Variants in RASAL2 observed in about 807,000 individuals in gnomAD.
RASAL2 encodes ras GTPase-activating protein nGAP.
A neutral mutation model predicts 128.9 loss-of-function variants in RASAL2; 58 were observed. That is an observed-to-expected ratio of 0.45 (90% CI 0.36 to 0.56). The LOEUF (loss-of-function observed/expected upper bound fraction) is 0.56. Among genes scored for constraint, RASAL2 ranks in the 20% least tolerant of loss-of-function variants. The pLI, the probability that RASAL2 is intolerant of heterozygous loss-of-function variation, is 0.00. For missense variants in RASAL2, 1,360 were observed against 1,601.6 expected, an observed-to-expected ratio of 0.85 and a Z score of 2.57; for synonymous variants, 561 against 580.8, an observed-to-expected ratio of 0.97 and a Z score of 0.49.
intron 1 of RASAL2, among the ~76,000 whole-genome samples, chr1:178,141,067 C>A (rs1427176578): frequency 1.3e-5 from 2 of 152,154 alleles, no homozygotes; most frequent in Non-Finnish European, 2.9e-5. Flanking sequence ...TATGTGAACT[C>A]AGAGCGAGAG....
intron 1 of RASAL2, among the ~76,000 whole-genome samples, chr1:178,260,350 C>CAAAAAAAAA (rs1243797175): frequency 4.6e-3 from 2 of 434 alleles, no homozygotes; most frequent in Non-Finnish European, 7.6e-3. Flanking sequence ...AGACTCGTCT[C>CAAAAAAAAA]AAAAAAAAAA....
chr1:178,375,414 A>G (rs1017685970), intron 3 of RASAL2, among the ~76,000 whole-genome samples: 2 of 152,186 alleles, frequency 1.3e-5, no homozygotes, highest in Non-Finnish European at 2.9e-5. Flanking sequence ...AGTTTTTTAG[A>G]AAGACATCTG....
chr1:178,428,640 C>T (rs956357825), intron 5 of RASAL2, among the ~76,000 whole-genome samples: 32 of 151,904 alleles, frequency 2.1e-4, no homozygotes, highest in African/African-American at 6.5e-4. Flanking sequence ...CTCAGGCTAG[C>T]GTGCAGTGGT....
At chr1:178,376,983 G>T (rs1222153831) in intron 3 of RASAL2, among the ~76,000 whole-genome samples, 2 of 152,018 alleles carry the variant, frequency 1.3e-5, no homozygotes. Flanking sequence ...AGTAGATAAT[G>T]ATTGCGTTTT....
At chr1:178,193,355 C>T (rs923484153) in intron 1 of RASAL2, among the ~76,000 whole-genome samples, 1 of 152,160 alleles carries the variant, frequency 6.6e-6, no homozygotes, top group Non-Finnish European at 1.5e-5. Context: ...CCCAACCCTC[C>T]TTTTTCTGAT....
intron 1 of RASAL2, among the ~76,000 whole-genome samples, chr1:178,132,570 G>T (rs546062084): frequency 6.6e-6 from 1 of 152,198 alleles, no homozygotes; most frequent in South Asian, 2.1e-4. Context: ...TATTAGGTTG[G>T]TGCAAAAGTA....
chr1:178,249,091 C>T (rs1278663384), intron 1 of RASAL2, among the ~76,000 whole-genome samples: 1 of 152,046 alleles, frequency 6.6e-6, no homozygotes, highest in Non-Finnish European at 1.5e-5. Context: ...AGCCTGTCTT[C>T]CTAGGTTGGG....
chr1:178,198,614 A>G lies in RASAL2; in HGVS notation c.203-84950A>G, dbSNP rs576199783. Among the ~76,000 whole-genome samples, 20 of 152,314 alleles carry G rather than the reference A, an allele frequency of 1.3e-4. No homozygotes were observed. In the South Asian group the frequency reaches 4.1e-3, roughly 32 times the overall value. ...CACTCCAGACCGTGTTTGCCTGGGTATCACCAGTGGAGGCTACAGAACAGC... is the reference window on the plus strand; with the variant it reads ...CACTCCAGACCGTGTTTGCCTGGGTGTCACCAGTGGAGGCTACAGAACAGC... On this transcript the variant is annotated intron_variant, in intron 1 of 17. Coordinates refer to ENST00000367649, the MANE Select transcript of RASAL2 (RefSeq NM_170692.4).
intron 14 of RASAL2, among the ~76,000 whole-genome samples, chr1:178,463,281 A>G (rs944687554): frequency 3.9e-5 from 6 of 152,164 alleles, no homozygotes; most frequent in Admixed American, 1.3e-4. Context: ...GGCAGGACAG[A>G]GGGGAAAAAA....
intron 5 of RASAL2, among the ~76,000 whole-genome samples, chr1:178,438,175 T>G (rs918545986): frequency 2.0e-5 from 3 of 151,186 alleles, no homozygotes; most frequent in Non-Finnish European, 4.4e-5. Flanking sequence ...CCTTATAAGC[T>G]TAAGATTTTT....
At chr1:178,293,938 G>A (rs1408113991) in intron 2 of RASAL2, among the ~76,000 whole-genome samples, 1 of 152,196 alleles carries the variant, frequency 6.6e-6, no homozygotes, top group African/African-American at 2.4e-5. Context: ...GGATGATTAG[G>A]AGTTTACCTT....
At chr1:178,209,970 CATT>C (rs1276271566) in intron 1 of RASAL2, among the ~76,000 whole-genome samples, 2 of 151,914 alleles carry the variant, frequency 1.3e-5, no homozygotes, top group Non-Finnish European at 1.5e-5. Flanking sequence ...AAATATTAGT[CATT>C]ATCTTTTTAA....
intron 3 of RASAL2, among the ~76,000 whole-genome samples, chr1:178,376,930 A>G (rs910528248): frequency 1.6e-4 from 25 of 152,284 alleles, no homozygotes; most frequent in Non-Finnish European, 1.3e-4. Context: ...CTGTAGTCCC[A>G]TAACCTTTTC....
Position 178,171,147 on chromosome 1 carries a change from G to C in RASAL2, c.202+76453G>C, listed in dbSNP as rs535259003. Among the ~76,000 whole-genome samples, 7 of 152,020 alleles carry C rather than the reference G, an allele frequency of 4.6e-5. No individual in the cohort carries two copies. The South Asian group carries it at 1.0e-3, about 23-fold the overall frequency. The stretch of plus-strand genomic sequence containing the variant: ...TATGGAGTATTTTTATCCGTATTAT[G>C]TCTGTGCCATCCAAAAGTAATTTCT... On this transcript the variant is annotated intron_variant, in intron 1 of 17. Transcript: ENST00000367649.
At chr1:178,398,111 A>G (rs959454585) in intron 4 of RASAL2, among the ~76,000 whole-genome samples, 23 of 151,946 alleles carry the variant, frequency 1.5e-4, no homozygotes, top group Admixed American at 7.9e-4. Context: ...TTGGCTGCTT[A>G]TTTTCTACAG....
At chr1:178,193,878 A>C (rs1662571935) in intron 1 of RASAL2, among the ~76,000 whole-genome samples, 1 of 152,204 alleles carries the variant, frequency 6.6e-6, no homozygotes. Context: ...TTTTGTAGAT[A>C]CCAACTAGAC....
chr1:178,417,280 A>G (rs906631222), intron 4 of RASAL2, among the ~76,000 whole-genome samples: 6 of 152,076 alleles, frequency 3.9e-5, no homozygotes, highest in Admixed American at 2.0e-4. Flanking sequence ...TGTCCAGTCT[A>G]CTAATAAGCC....
chr1:178,103,526 G>A (rs941093179), intron 1 of RASAL2, among the ~76,000 whole-genome samples: 2 of 151,976 alleles, frequency 1.3e-5, no homozygotes, highest in Non-Finnish European at 2.9e-5. Context: ...GAATTATCAC[G>A]AAATTTTGGA....
In RASAL2 at chr1:178,185,349, G is replaced by A. The variant is rs367901522; in HGVS notation, c.202+90655G>A. Reference sequence around the variant, plus strand: ...TTGCTCTAGTTAGGACGTATGGTAGGATGCTGAAGAGGAATGATGACAGAT... The same window carrying A: ...TTGCTCTAGTTAGGACGTATGGTAGAATGCTGAAGAGGAATGATGACAGAT... On this transcript the variant is annotated intron_variant, in intron 1 of 17. Coordinates refer to ENST00000367649, the MANE Select transcript of RASAL2 (RefSeq NM_170692.4). Among the ~76,000 whole-genome samples the A allele has an allele frequency of 9.9e-5, 15 of 151,920 alleles. No homozygotes were observed. The East Asian group carries it at 2.1e-3, about 22-fold the overall frequency.
Sources: gnomAD v4.1 joint callset for allele counts (sites outside exome capture counted in the v4.1 genomes callset) on GRCh38, gnomAD v4.1.1 for gene constraint, MANE v1.5 for transcripts, NCBI Gene and HGNC (gene_info 2026-07-23, HGNC 2026-07-21) for gene names.